MRTFB: variants seen among roughly 807,000 people sequenced by gnomAD.
The protein encoded by MRTFB is myocardin-related transcription factor B.
Under a neutral mutation model 104.2 loss-of-function variants are expected in MRTFB, and 29 were observed. The observed-to-expected ratio is 0.28, with a 90% CI of 0.21 to 0.38. The LOEUF (loss-of-function observed/expected upper bound fraction) is 0.38, where lower values mean the gene tolerates loss of function less well. Ranked by LOEUF, MRTFB falls within the 10% of genes least tolerant of loss-of-function variation. MRTFB has a pLI of 1.00. For synonymous variants in MRTFB, 535 were observed against 519.5 expected, an observed-to-expected ratio of 1.03 and a Z score of -0.41; for missense variants, 1,270 against 1,341.6, an observed-to-expected ratio of 0.95 and a Z score of 0.83.
chr16:14,073,495 C>A (rs1003731453), intron 1 of MRTFB, among the ~76,000 whole-genome samples: 2 of 152,158 alleles, frequency 1.3e-5, no homozygotes, highest in Non-Finnish European at 2.9e-5. Flanking sequence ...TTTTTTCTTT[C>A]TTTCAGAAGT....
chr16:14,090,431 A>G (rs2034985872), intron 2 of MRTFB, among the ~76,000 whole-genome samples: 1 of 152,228 alleles, frequency 6.6e-6, no homozygotes, highest in Admixed American at 6.5e-5. Context: ...TGCACGCATC[A>G]TCCCATGAGC....
chr16:14,105,864 A>G (rs923552127), intron 2 of MRTFB, among the ~76,000 whole-genome samples: 8 of 152,222 alleles, frequency 5.3e-5, no homozygotes, highest in African/African-American at 1.7e-4. Context: ...ACTAAGAACA[A>G]AAAGCAAGTG....
the MRTFB span, among the ~76,000 whole-genome samples, chr16:14,014,478 C>G: frequency 1.3e-5 from 2 of 151,556 alleles, no homozygotes; most frequent in Non-Finnish European, 2.9e-5. Flanking sequence ...ATTGCTTGAA[C>G]CTGGGAGGCA....
the MRTFB span, among the ~76,000 whole-genome samples, chr16:14,032,035 T>C: frequency 6.6e-6 from 1 of 152,356 alleles, no homozygotes; most frequent in East Asian, 1.9e-4. Context: ...CTTGAACTCC[T>C]GACCTCAAGT....
At chr16:14,008,067 A>G in the MRTFB span, among the ~76,000 whole-genome samples, 1 of 152,060 alleles carries the variant, frequency 6.6e-6, no homozygotes, top group Non-Finnish European at 1.5e-5. Flanking sequence ...AAAGTTTTCC[A>G]TTTTAAAGTC....
intron 12 of MRTFB, chr16:14,248,678 A>T (rs1018541190): frequency 2.7e-6 from 1 of 371,264 alleles, no homozygotes; most frequent in African/African-American, 2.1e-5. Context: ...ATTTTCTCAA[A>T]ATTTTCAAAT....
chr16:14,147,875 A>T (rs887301563), intron 3 of MRTFB, among the ~76,000 whole-genome samples: 3 of 152,192 alleles, frequency 2.0e-5, no homozygotes, highest in African/African-American at 7.2e-5. Context: ...TAAGATTTAA[A>T]ACGTAATAGT....
At chr16:14,252,889 C>A (rs2043312311) in intron 15 of MRTFB, among the ~76,000 whole-genome samples, 1 of 152,108 alleles carries the variant, frequency 6.6e-6, no homozygotes, top group Non-Finnish European at 1.5e-5. Context: ...CACTGTTACA[C>A]CTGGCTGACA....
chr16:14,078,521 C>G (rs2034204031), intron 1 of MRTFB, among the ~76,000 whole-genome samples: 1 of 151,908 alleles, frequency 6.6e-6, no homozygotes. Context: ...CCTTGAACTC[C>G]TAGGCTCAAT....
intron 2 of MRTFB, among the ~76,000 whole-genome samples, chr16:14,105,480 C>G (rs1338938858): frequency 6.6e-6 from 1 of 152,118 alleles, no homozygotes; most frequent in Non-Finnish European, 1.5e-5. Flanking sequence ...TCACTGCAGC[C>G]TTAAACTCCT....
chr16:14,012,472 G>C, the MRTFB span, among the ~76,000 whole-genome samples: 1 of 151,382 alleles, frequency 6.6e-6, no homozygotes, highest in Admixed American at 6.6e-5. Flanking sequence ...CTAATTTTTT[G>C]TATTTTTAGT....
At chr16:14,137,916 A>G (rs748521989) in intron 2 of MRTFB, among the ~76,000 whole-genome samples, 41 of 151,864 alleles carry the variant, frequency 2.7e-4, no homozygotes, top group Admixed American at 5.2e-4. Flanking sequence ...ATTTAGGTCT[A>G]TTTTGCTATT....
At chr16:14,068,084 G>C (rs1003505690), upstream of MRTFB, among the ~76,000 whole-genome samples, 1 of 151,868 alleles carries the variant, frequency 6.6e-6, no homozygotes, top group African/African-American at 2.4e-5. Flanking sequence ...CTCTCACCTC[G>C]GCCTCCCAAA....
intron 13 of MRTFB, among the ~76,000 whole-genome samples, chr16:14,251,316 G>T (rs970523787): frequency 8.2e-5 from 12 of 146,400 alleles, no homozygotes; most frequent in Non-Finnish European, 1.6e-4. Context: ...GGCGGAGCTT[G>T]CAGTGAGCCG....
At chr16:14,120,135 T>A (rs1003701236) in intron 2 of MRTFB, among the ~76,000 whole-genome samples, 1 of 152,234 alleles carries the variant, frequency 6.6e-6, no homozygotes, top group African/African-American at 2.4e-5. Flanking sequence ...TTCTTTTGTA[T>A]GTTCTTTTTC....
chr16:14,127,929 A>ATATATATTT (rs1393344981), intron 2 of MRTFB, among the ~76,000 whole-genome samples: 6 of 44,632 alleles, frequency 1.3e-4, no homozygotes, highest in Admixed American at 3.2e-4. Flanking sequence ...ATATATATAT[A>ATATATATTT]TTTTTTTTTT....
chr16:14,033,107 C>G, the MRTFB span, among the ~76,000 whole-genome samples: 3 of 152,200 alleles, frequency 2.0e-5, no homozygotes, highest in Non-Finnish European at 2.9e-5. Context: ...TCCCATCAGG[C>G]CCTTGCATTC....
At chr16:14,138,103 C>CT (rs2037813259) in intron 2 of MRTFB, among the ~76,000 whole-genome samples, 1 of 152,046 alleles carries the variant, frequency 6.6e-6, no homozygotes, top group African/African-American at 2.4e-5. Flanking sequence ...ACACTGTTTT[C>CT]TTATGATGTA....
intron 3 of MRTFB, among the ~76,000 whole-genome samples, chr16:14,193,210 C>CAAAAAAAAA (rs10616011): frequency 1.8e-5 from 1 of 56,402 alleles, no homozygotes; most frequent in Non-Finnish European, 3.1e-5. Flanking sequence ...GACCCTGTCT[C>CAAAAAAAAA]AAAAAAAAAA....
Sources: allele counts gnomAD v4.1 joint callset (sites outside exome capture counted in the v4.1 genomes callset), GRCh38; gene constraint gnomAD v4.1.1; transcripts MANE v1.5; gene names NCBI Gene and HGNC (gene_info 2026-07-23, HGNC 2026-07-21).